Variants in SPAG9 observed in about 807,000 individuals in gnomAD.
SPAG9 encodes the protein sperm associated antigen 9.
A neutral mutation model predicts 166.5 loss-of-function variants in SPAG9; 35 were observed. That is an observed-to-expected ratio of 0.21 (90% CI 0.16 to 0.28). The LOEUF (loss-of-function observed/expected upper bound fraction) is 0.28, where lower values mean the gene tolerates loss of function less well. SPAG9 is among the 10% of genes least tolerant of loss of function. SPAG9 has a pLI of 1.00. For missense variants in SPAG9, 1,235 were observed against 1,603.3 expected, an observed-to-expected ratio of 0.77 and a Z score of 3.92; for synonymous variants, 534 against 565.5, an observed-to-expected ratio of 0.94 and a Z score of 0.79.
rs2144822544 is a variant in SPAG9, at chr17:51,120,737, G to A, written c.-81C>T. 2.4e-6 allele frequency: 3 copies of A among 1,259,854 alleles called. No homozygotes were observed. The highest frequency in any genetic ancestry group is 1.5e-5 in the African/African-American group (1 of 67,006). 78.0% of individuals were successfully genotyped at this position (1,259,854 alleles called of 1,614,324 possible). A position where few individuals can be genotyped will look rare whatever the true frequency, so the allele number is the denominator to read the frequency against. ...TGCCCGCACGGGACGGACCCGACTC[G>A]GGCTGGGACGGGTACTAGGGCTGGA... is the stretch of plus-strand genomic sequence containing the variant. On this transcript the variant is annotated 5_prime_UTR_variant, in exon 1 of 30. Transcript: ENST00000262013. The surrounding 1 kb of genome is among the most constrained non-coding windows in gnomAD (Gnocchi z 4.7).
At chr17:51,065,543 T>C (rs567625179) in intron 2 of SPAG9, among the ~76,000 whole-genome samples, 41 of 152,330 alleles carry the variant, frequency 2.7e-4, no homozygotes, top group Non-Finnish European at 4.1e-4. Context: ...GTAGAAAGAA[T>C]AGGCAGATGG....
At chr17:51,032,146 A>T (rs1047425623) in intron 5 of SPAG9, among the ~76,000 whole-genome samples, 1 of 152,178 alleles carries the variant, frequency 6.6e-6, no homozygotes, top group African/African-American at 2.4e-5. Context: ...TCAAAGGATC[A>T]CCAAAATCCA....
rs780005582 is a variant in SPAG9, at chr17:51,006,220, A to G, written c.1289T>C (p.Val430Ala). The change falls in exon 11 of 30, where the codon GTG (valine) becomes GCG (alanine). Residue 430 changes from valine to alanine, a missense_variant. By Grantham distance (64) the Val-to-Ala change is moderately conservative. Transcript: ENST00000262013. ...CACTTTTGCTATCAAATCATTCTTC[A>G]CTATGTTCAAAGCATTTCTAAGAAA... ...LLETKNALNI[V>A]KNDLIAKVDE... 2.5e-6 allele frequency: 4 copies of G among 1,614,054 alleles called. No homozygotes were observed. The highest frequency in any genetic ancestry group is 3.4e-6 in the Non-Finnish European group (4 of 1,179,968).
chr17:50,977,075 T>C (rs1338966996), intron 27 of SPAG9, 33 bp downstream of exon 27: 5 of 1,283,294 alleles, frequency 3.9e-6, no homozygotes, highest in East Asian at 2.3e-5. Context: ...TTCTCCTATT[T>C]GTTCCATGGC....
Position 50,995,084 on chromosome 17 carries a change from A to C in SPAG9, c.2199T>G (p.Ser733Arg). Residue 733 changes from serine (S) to arginine (R), a missense_variant, in exon 18 of 30, where the codon AGT becomes AGG. Coordinates refer to ENST00000262013, the MANE Select transcript of SPAG9 (RefSeq NM_001130528.3). ...TAAGTTCCTGATCTAACTTATCTAA[A>C]CTACTCTGAGAGGCACTTCGCTGTT... is the stretch of plus-strand genomic sequence containing the variant. ...GSKQRSASQS[S>R]LDKLDQELKE... is the part of the protein sequence containing the mutation. 6.2e-7 allele frequency: 1 copy of C among 1,613,756 alleles called. No individual in the cohort carries two copies. Among genetic ancestry groups the C allele is most frequent in the Non-Finnish European group, 8.5e-7 (1 of 1,179,820 alleles).
At chr17:50,987,908 T>C (rs1295098302) in intron 21 of SPAG9, among the ~76,000 whole-genome samples, 3 of 152,346 alleles carry the variant, frequency 2.0e-5, no homozygotes, top group East Asian at 1.9e-4. Flanking sequence ...AATTCAAACA[T>C]GACTTATTCT....
rs181284565 is a variant in SPAG9, at chr17:50,991,587, T to C, written c.2399-919A>G. On this transcript the variant is annotated intron_variant, in intron 19 of 29. Transcript: ENST00000262013. ...TTCAGTGGCACTAATATTTACAATA[T>C]TGGCATTAATATTTATAACATTGTG... 3.0e-4 allele frequency among the ~76,000 whole-genome samples: 45 copies of C among 152,178 alleles called. 1 individual carries two copies. The highest frequency in any genetic ancestry group is 1.1e-3 in the African/African-American group (45 of 41,522).
intron 1 of SPAG9, among the ~76,000 whole-genome samples, chr17:51,108,830 TA>T (rs1400369618): frequency 6.6e-6 from 1 of 151,992 alleles, no homozygotes; most frequent in African/African-American, 2.4e-5. Context: ...TTTATTTATT[TA>T]TTTTTATTTT....
At chr17:50,995,704 C>T (rs2044648413) in intron 16 of SPAG9, 171 bp from the exon 17 acceptor site, 1 of 589,528 alleles carries the variant, frequency 1.7e-6, no homozygotes, top group African/African-American at 1.9e-5. Context: ...CTCTACTGCC[C>T]AGGCTAGAGT....
At chr17:50,986,131 T>C (rs1975031129) in intron 22 of SPAG9, among the ~76,000 whole-genome samples, 1 of 152,254 alleles carries the variant, frequency 6.6e-6, no homozygotes, top group African/African-American at 2.4e-5. Context: ...GTGGCCCACA[T>C]AGGGAGTGGC....
chr17:51,014,426 T>C (rs2045615578), intron 8 of SPAG9, 73 bp from the exon 9 acceptor site: 15 of 1,326,508 alleles, frequency 1.1e-5, no homozygotes, highest in South Asian at 1.6e-5. Context: ...ATGAATACAA[T>C]AGGCTAAGCT....
intron 21 of SPAG9, among the ~76,000 whole-genome samples, chr17:50,989,041 CA>C (rs754508383): frequency 2.2e-5 from 3 of 136,642 alleles, no homozygotes; most frequent in East Asian, 2.1e-4. Context: ...ACAGTAAGTA[CA>C]AAAAAAAAGA....
At chr17:51,102,935 T>C (rs1453501349) in intron 1 of SPAG9, among the ~76,000 whole-genome samples, 1 of 152,198 alleles carries the variant, frequency 6.6e-6, no homozygotes, top group Non-Finnish European at 1.5e-5. Flanking sequence ...CTTGAATTCC[T>C]ACAATACTTC....
chr17:51,041,718 A>C lies in SPAG9; in HGVS notation c.591-67T>G, dbSNP rs2046845817. 11 of 1,483,270 alleles carry C rather than the reference A, an allele frequency of 7.4e-6. No individual in the cohort carries two copies. The Admixed American group carries it at 1.6e-4, about 21-fold the overall frequency. 91.9% of individuals were successfully genotyped at this position (1,483,270 alleles called of 1,614,324 possible). A position where few individuals can be genotyped will look rare whatever the true frequency, so the allele number is the denominator to read the frequency against. On this transcript the variant is annotated intron_variant, in intron 4 of 29. Coordinates refer to ENST00000262013, the MANE Select transcript of SPAG9 (RefSeq NM_001130528.3). ...TGACTTTTTATTTGCCATGACTATAAGTAATAAGCCTGGACTGCCACTGTT... is the reference window on the plus strand; with the variant it reads ...TGACTTTTTATTTGCCATGACTATACGTAATAAGCCTGGACTGCCACTGTT...
At chr17:51,074,097 G>A (rs1299565466) in intron 2 of SPAG9, among the ~76,000 whole-genome samples, 4 of 152,166 alleles carry the variant, frequency 2.6e-5, no homozygotes, top group South Asian at 2.1e-4. Flanking sequence ...TAAGCCGGGC[G>A]TGGTGGCGGG....
intron 1 of SPAG9, among the ~76,000 whole-genome samples, chr17:51,106,705 G>GA (rs1183247785): frequency 3.3e-5 from 5 of 152,044 alleles, no homozygotes; most frequent in African/African-American, 7.2e-5. Context: ...GCTAGGGTGG[G>GA]AAAATCACTT....
At chr17:50,976,229 C>G (rs569567175) in intron 27 of SPAG9, among the ~76,000 whole-genome samples, 10 of 151,834 alleles carry the variant, frequency 6.6e-5, no homozygotes, top group South Asian at 2.1e-4. Flanking sequence ...CTTTATTTCT[C>G]TGTGTGTGTG....
intron 2 of SPAG9, among the ~76,000 whole-genome samples, chr17:51,075,644 C>T (rs149190831): frequency 6.6e-6 from 1 of 152,038 alleles, no homozygotes; most frequent in Non-Finnish European, 1.5e-5. Context: ...AACAACATAA[C>T]AAGACCCCAT....
chr17:51,049,451 G>A (rs1254616220), intron 3 of SPAG9, among the ~76,000 whole-genome samples: 2 of 151,966 alleles, frequency 1.3e-5, no homozygotes, highest in Non-Finnish European at 2.9e-5. Flanking sequence ...TGAGGTGGGA[G>A]GACTGCTTGA....
Sources: allele counts gnomAD v4.1 joint callset (sites outside exome capture counted in the v4.1 genomes callset), GRCh38; gene constraint gnomAD v4.1.1; non-coding constraint Gnocchi (gnomAD v3.1); transcripts MANE v1.5; gene names NCBI Gene and HGNC (gene_info 2026-07-23, HGNC 2026-07-21).